GRAMD1B: variants seen among roughly 807,000 people sequenced by gnomAD.
The protein encoded by GRAMD1B is GRAM domain containing 1B.
In GRAMD1B, 37 loss-of-function variants were observed where a neutral mutation model predicts 99.7. That is an observed-to-expected ratio of 0.37 (90% CI 0.29 to 0.49). The LOEUF (loss-of-function observed/expected upper bound fraction) is 0.49. Ranked by LOEUF, GRAMD1B falls within the 20% of genes least tolerant of loss-of-function variation. The pLI is 0.98. For synonymous variants in GRAMD1B, 427 were observed against 387.6 expected (o/e 1.10, Z -1.19); for missense variants, 888 against 1,009.2 (o/e 0.88, Z 1.63).
Position 123,545,046 on chromosome 11 carries a change from T to C in GRAMD1B, c.453-32321T>C, listed in dbSNP as rs558768444. 3.9e-5 allele frequency among the ~76,000 whole-genome samples: 6 copies of C among 152,270 alleles called. No homozygotes were observed. In the South Asian group the frequency reaches 1.2e-3, roughly 32 times the overall value. On this transcript the variant is annotated intron_variant, in intron 2 of 19. Transcript: ENST00000635736. ...TGGAAGGACAGTGGGCTGTCTTTGG[T>C]CACATACCCTCCCCTCCTCTGAAGG...
rs556639590 is a variant in GRAMD1B at position 123,474,429 on chromosome 11, C to A, written c.375-6387C>A. ...AATGTGCGTCTCTCTGACGCCATAT[C>A]CTGAACTCAGATACTGTGACTGGAT... On this transcript the variant is annotated intron_variant, in intron 1 of 19. Transcript: ENST00000635736. Among the ~76,000 whole-genome samples the A allele has an allele frequency of 4.6e-5, 7 of 152,288 alleles. No homozygotes were observed. The South Asian group carries it at 1.5e-3, about 32-fold the overall frequency.
At position 123,459,550 on chromosome 11, in the gene GRAMD1B, C is replaced by T. The variant is rs189303865; in HGVS notation, c.375-21266C>T. On this transcript the variant is annotated intron_variant, in intron 1 of 19. Coordinates refer to ENST00000635736, the MANE Select transcript of GRAMD1B (RefSeq NM_001387025.1). ...GATTACAGGCATGCACCACTGTGGT[C>T]GGCCATATTCATGATTTAAAGGAAT... 12 of 151,860 alleles carry T rather than the reference C, an allele frequency of 7.9e-5. No individual in the cohort carries two copies. In the South Asian group the frequency reaches 8.4e-4, roughly 11 times the overall value. 9.4% of individuals were successfully genotyped at this position (151,860 alleles called of 1,614,324 possible). A position where few individuals can be genotyped will look rare whatever the true frequency, so the allele number is the denominator to read the frequency against.
At chr11:123,518,863 T>G (rs183500812) in intron 2 of GRAMD1B, among the ~76,000 whole-genome samples, 138 of 152,362 alleles carry the variant, frequency 9.1e-4, no homozygotes, top group African/African-American at 3.3e-3. Context: ...TTGCTCATCC[T>G]GTTTATTGCC....
intron 7 of GRAMD1B, among the ~76,000 whole-genome samples, chr11:123,596,793 T>C (rs1951327322): frequency 1.3e-5 from 2 of 152,214 alleles, no homozygotes; most frequent in Admixed American, 6.5e-5. Context: ...AAATGGGGCC[T>C]CTGGGGGATC....
intron 19 of GRAMD1B, among the ~76,000 whole-genome samples, chr11:123,620,635 C>T (rs1188537156): frequency 6.6e-6 from 1 of 152,080 alleles, no homozygotes; most frequent in Non-Finnish European, 1.5e-5. Context: ...CCTACCCTTT[C>T]AAAAAGTGTT....
chr11:123,491,005 C>G (rs573009000), intron 2 of GRAMD1B, among the ~76,000 whole-genome samples: 15 of 152,264 alleles, frequency 9.9e-5, no homozygotes, highest in Middle Eastern at 3.4e-3. Context: ...AATTCTGGGA[C>G]TTTTTTTGTG....
chr11:123,603,897 G>A (rs925558827), intron 9 of GRAMD1B, among the ~76,000 whole-genome samples: 2 of 152,252 alleles, frequency 1.3e-5, no homozygotes, highest in Admixed American at 6.5e-5. Flanking sequence ...GAGTAATTTA[G>A]ATAGTTAGAT....
At chr11:123,594,524 C>G (rs547625734) in intron 5 of GRAMD1B, among the ~76,000 whole-genome samples, 1 of 152,328 alleles carries the variant, frequency 6.6e-6, no homozygotes, top group East Asian at 1.9e-4. Flanking sequence ...TTATCTGCCT[C>G]TAGGCAGTTG....
chr11:123,421,436 C>T (rs548930635), intron 1 of GRAMD1B, among the ~76,000 whole-genome samples: 13 of 152,264 alleles, frequency 8.5e-5, no homozygotes, highest in South Asian at 2.1e-4. Context: ...ATTAAGGTAA[C>T]GCTTGACTGA....
At chr11:123,552,360 C>T (rs937829287) in intron 2 of GRAMD1B, among the ~76,000 whole-genome samples, 4 of 147,252 alleles carry the variant, frequency 2.7e-5, no homozygotes, top group African/African-American at 7.5e-5. Flanking sequence ...GGCAGAATCT[C>T]GGCTCACTGC....
In GRAMD1B at chr11:123,598,349, C is replaced by T. The variant is rs1253614765; in HGVS notation, c.970-2119C>T. 5.3e-6 allele frequency: 6 copies of T among 1,134,136 alleles called. No individual in the cohort carries two copies. The Admixed American group carries it at 1.0e-4, about 19-fold the overall frequency. 70.3% of individuals were successfully genotyped at this position (1,134,136 alleles called of 1,614,324 possible). On this transcript the variant is annotated intron_variant, in intron 7 of 19. Coordinates refer to ENST00000635736, the MANE Select transcript of GRAMD1B (RefSeq NM_001387025.1). ...TGATCTCGTTCTCTTCATCTTCACT[C>T]TAACTCTCACTGATTTGCTCTTTTT...
At chr11:123,578,428 A>G (rs1008439811) in intron 3 of GRAMD1B, 2 of 1,530,414 alleles carry the variant, frequency 1.3e-6, no homozygotes, top group African/African-American at 2.7e-5. Flanking sequence ...GCGCCTCTCA[A>G]AAGTAAGCCA....
chr11:123,489,468 G>A (rs555302759), intron 2 of GRAMD1B, among the ~76,000 whole-genome samples: 1 of 152,212 alleles, frequency 6.6e-6, no homozygotes, highest in African/African-American at 2.4e-5. Context: ...AAGGAAGGAA[G>A]AATTTTAAAA....
chr11:123,583,239 GTC>G (rs981507046), intron 3 of GRAMD1B, among the ~76,000 whole-genome samples: 1 of 151,214 alleles, frequency 6.6e-6, no homozygotes, highest in African/African-American at 2.4e-5. Context: ...ATGTGTGCAT[GTC>G]TGTGTGAATG....
chr11:123,485,188 T>C (rs537754140), intron 2 of GRAMD1B, among the ~76,000 whole-genome samples: 6 of 152,172 alleles, frequency 3.9e-5, no homozygotes, highest in Non-Finnish European at 8.8e-5. Flanking sequence ...CCAAACCATA[T>C]CATCAATTGT....
At chr11:123,504,268 G>A (rs1234682801) in intron 2 of GRAMD1B, among the ~76,000 whole-genome samples, 7 of 152,160 alleles carry the variant, frequency 4.6e-5, no homozygotes, top group African/African-American at 1.7e-4. Flanking sequence ...TAAGCAAGAC[G>A]CCATGGGAGG....
chr11:123,545,893 A>G (rs1185032118), intron 2 of GRAMD1B, among the ~76,000 whole-genome samples: 1 of 152,190 alleles, frequency 6.6e-6, no homozygotes, highest in African/African-American at 2.4e-5. Flanking sequence ...AGCCCAGGCT[A>G]GTCCTCAGTT....
Position 123,531,822 on chromosome 11 carries a change from G to A in GRAMD1B, c.453-45545G>A, listed in dbSNP as rs1384724198. ...GCGATCTCGGCTCACCTCAACCTCC[G>A]CCTCCCGGGTTCAAGTGATTCTCCT... On this transcript the variant is annotated intron_variant, in intron 2 of 19. Coordinates refer to ENST00000635736, the MANE Select transcript of GRAMD1B (RefSeq NM_001387025.1). 6.0e-5 allele frequency among the ~76,000 whole-genome samples: 8 copies of A among 133,026 alleles called. No individual in the cohort carries two copies. The East Asian group carries it at 1.2e-3, about 21-fold the overall frequency. The allele number at this position is 133,026 out of a possible 152,430, so 87.3% of individuals were successfully genotyped here.
intron 1 of GRAMD1B, among the ~76,000 whole-genome samples, chr11:123,413,513 T>TA (rs57421825): frequency 0.022 from 1,244 of 55,508 alleles, 19 homozygotes; most frequent in African/African-American, 0.17. Context: ...TTTGCCCATA[T>TA]TTTTTTTTTA....
Sources: gnomAD v4.1 joint callset for allele counts (sites outside exome capture counted in the v4.1 genomes callset) on GRCh38, gnomAD v4.1.1 for gene constraint, MANE v1.5 for transcripts, NCBI Gene and HGNC (gene_info 2026-07-23, HGNC 2026-07-21) for gene names.